The following GPC5 variants were observed in gnomAD, a reference collection of about 807,000 sequenced individuals.
GPC5 encodes the protein glypican-5.
A neutral mutation model predicts 53.9 loss-of-function variants in GPC5; 47 were observed. That is an observed-to-expected ratio of 0.87 (90% CI 0.69 to 1.11). The LOEUF (loss-of-function observed/expected upper bound fraction) is 1.11. Among genes scored for constraint, GPC5 ranks in the 50% most tolerant of loss-of-function variants. The probability of loss-of-function intolerance (pLI) is 0.00; values close to 1 mark genes in which losing one functional copy is unlikely to be tolerated. For missense variants in GPC5, 748 were observed against 713.1 expected, an observed-to-expected ratio of 1.05 and a Z score of -0.56; for synonymous variants, 286 against 263.3, an observed-to-expected ratio of 1.09 and a Z score of -0.84.
intron 7 of GPC5, among the ~76,000 whole-genome samples, chr13:92,679,893 T>G (rs1044130850): frequency 2.4e-5 from 1 of 42,084 alleles, no homozygotes; most frequent in African/African-American, 8.5e-5. Flanking sequence ...CCCCCCACCC[T>G]CCCCACCCCC....
intron 7 of GPC5, among the ~76,000 whole-genome samples, chr13:92,642,041 C>T: frequency 6.6e-6 from 1 of 152,100 alleles, no homozygotes; most frequent in East Asian, 1.9e-4. Context: ...CTCATTTTCA[C>T]TGCTGGTGTT....
chr13:92,692,754 A>ATTTTTTTTTTTTTT (rs71272284), intron 7 of GPC5, among the ~76,000 whole-genome samples: 1,111 of 80,888 alleles, frequency 0.014, 92 homozygotes, highest in African/African-American at 0.025. Context: ...AATATCGGCT[A>ATTTTTTTTTTTTTT]TTTTTTTTTT....
intron 7 of GPC5, among the ~76,000 whole-genome samples, chr13:92,496,086 A>G (rs1879967800): frequency 6.6e-6 from 1 of 152,062 alleles, no homozygotes; most frequent in South Asian, 2.1e-4. Flanking sequence ...GCTTTCTGTC[A>G]ATGGAGGACC....
intron 6 of GPC5, among the ~76,000 whole-genome samples, chr13:92,124,378 C>A (rs1310271968): frequency 2.6e-5 from 4 of 151,572 alleles, no homozygotes; most frequent in Non-Finnish European, 5.9e-5. Flanking sequence ...TGCAGGAGGA[C>A]TCCATGGTAG....
At chr13:91,492,125 T>C (rs1883973030) in intron 2 of GPC5, among the ~76,000 whole-genome samples, 2 of 152,246 alleles carry the variant, frequency 1.3e-5, no homozygotes, top group Non-Finnish European at 2.9e-5. Flanking sequence ...TTGGATAATA[T>C]TCAATTTATC....
At chr13:92,389,886 A>T (rs1023315937) in intron 7 of GPC5, among the ~76,000 whole-genome samples, 3 of 152,218 alleles carry the variant, frequency 2.0e-5, no homozygotes, top group African/African-American at 7.2e-5. Context: ...ATATCTAAAA[A>T]GTATGAACTA....
intron 5 of GPC5, among the ~76,000 whole-genome samples, chr13:91,820,856 G>A (rs182569370): frequency 0.017 from 2,523 of 152,122 alleles, 35 homozygotes; most frequent in Non-Finnish European, 0.026. Context: ...ACAGCTACTC[G>A]GGAGGCTGAG....
intron 7 of GPC5, among the ~76,000 whole-genome samples, chr13:92,672,984 G>T (rs1409724968): frequency 1.3e-5 from 2 of 152,050 alleles, no homozygotes; most frequent in Non-Finnish European, 2.9e-5. Flanking sequence ...AAACCCCCAT[G>T]ACACAAGTTT....
chr13:92,089,219 G>A (rs1369849906), intron 6 of GPC5, among the ~76,000 whole-genome samples: 1 of 152,194 alleles, frequency 6.6e-6, no homozygotes, highest in African/African-American at 2.4e-5. Context: ...CCGATCACGA[G>A]GTCAGGAGAT....
chr13:92,086,728 G>T (rs1459904819), intron 6 of GPC5, among the ~76,000 whole-genome samples: 2 of 151,262 alleles, frequency 1.3e-5, no homozygotes, highest in African/African-American at 4.9e-5. Flanking sequence ...GAGCAATCTT[G>T]GCTCACCACA....
chr13:91,825,378 C>T (rs2038561030), intron 5 of GPC5, among the ~76,000 whole-genome samples: 1 of 152,070 alleles, frequency 6.6e-6, no homozygotes, highest in South Asian at 2.1e-4. Context: ...TGTCTAAGCA[C>T]ATGTTTATGT....
intron 7 of GPC5, among the ~76,000 whole-genome samples, chr13:92,305,625 A>G (rs551744647): frequency 6.6e-6 from 1 of 152,318 alleles, no homozygotes; most frequent in East Asian, 1.9e-4. Flanking sequence ...TATCATATTA[A>G]ATGTATGTCC....
intron 5 of GPC5, among the ~76,000 whole-genome samples, chr13:91,795,703 G>A (rs1300034076): frequency 6.6e-6 from 1 of 152,046 alleles, no homozygotes; most frequent in Non-Finnish European, 1.5e-5. Context: ...GGTGAATGAG[G>A]TGCTAACCCT....
At chr13:92,569,805 A>G (rs999935605) in intron 7 of GPC5, among the ~76,000 whole-genome samples, 6 of 152,202 alleles carry the variant, frequency 3.9e-5, no homozygotes, top group Non-Finnish European at 7.3e-5. Flanking sequence ...AGTGTTTTAA[A>G]AATTGATTTA....
intron 7 of GPC5, chr13:92,340,601 T>C (rs562839408): frequency 6.6e-6 from 1 of 152,282 alleles, no homozygotes; most frequent in South Asian, 2.1e-4. Flanking sequence ...ACTTTAAGAA[T>C]TTTTACTTGG....
chr13:92,211,108 A>T (rs9301784), intron 7 of GPC5, among the ~76,000 whole-genome samples: 4,732 of 152,218 alleles, frequency 0.031, 250 homozygotes, highest in African/African-American at 0.11. Flanking sequence ...TGTAATAAAT[A>T]GGTGAGTAAA....
At chr13:91,464,050 T>C (rs1350128003) in intron 2 of GPC5, among the ~76,000 whole-genome samples, 1 of 151,972 alleles carries the variant, frequency 6.6e-6, no homozygotes, top group Non-Finnish European at 1.5e-5. Context: ...AAAAACCCAG[T>C]TTAAGTAGAA....
chr13:91,468,295 T>C (rs774702235), intron 2 of GPC5, among the ~76,000 whole-genome samples: 3 of 152,092 alleles, frequency 2.0e-5, no homozygotes, highest in Admixed American at 6.6e-5. Context: ...CTAAAGAATG[T>C]TGGTATGGGT....
chr13:92,112,139 A>C (rs1387125669), intron 6 of GPC5, among the ~76,000 whole-genome samples: 2 of 152,150 alleles, frequency 1.3e-5, no homozygotes, highest in Non-Finnish European at 2.9e-5. Context: ...AATTTTGTTG[A>C]AAGAAACAAT....
Sources: allele counts gnomAD v4.1 joint callset (sites outside exome capture counted in the v4.1 genomes callset), GRCh38; gene constraint gnomAD v4.1.1; transcripts MANE v1.5; gene names NCBI Gene and HGNC (gene_info 2026-07-23, HGNC 2026-07-21).